Variants in EPDR1 observed in about 807,000 individuals in gnomAD.
EPDR1 encodes the protein ependymin related 1.
In EPDR1, 27 loss-of-function variants were observed where a neutral mutation model predicts 23.7. The observed-to-expected ratio is 1.14, with a 90% CI of 0.84 to 1.57. The LOEUF is 1.57. Ranked by LOEUF, EPDR1 falls within the 40% of genes most tolerant of loss-of-function variation. The probability of loss-of-function intolerance (pLI) is 0.00; values close to 1 mark genes in which losing one functional copy is unlikely to be tolerated. For missense variants in EPDR1, 349 were observed against 290.4 expected (o/e 1.20, Z -1.47); for synonymous variants, 137 against 118.2 (o/e 1.16, Z -1.03).
chr7:37,920,938 C>G lies in EPDR1; in HGVS notation c.-2C>G. ...CCCTCGGGCCGGGGAAGGCTGACCG[C>G]GATGCCAGGACGCGCTCCCCTCCGC... On this transcript the variant is annotated 5_prime_UTR_variant, in exon 1 of 3. Transcript: ENST00000199448. 6.2e-7 allele frequency: 1 copy of G among 1,607,782 alleles called. No individual in the cohort carries two copies. The highest frequency in any genetic ancestry group is 2.2e-5 in the East Asian group (1 of 44,754).
At chr7:37,937,945 T>C (rs1339149721) in intron 1 of EPDR1, among the ~76,000 whole-genome samples, 1 of 149,594 alleles carries the variant, frequency 6.7e-6, no homozygotes, top group East Asian at 2.0e-4. Flanking sequence ...CAATGCAGTC[T>C]TTTTTACATA....
chr7:37,931,120 C>CT (rs1785928951), intron 1 of EPDR1, among the ~76,000 whole-genome samples: 1 of 151,982 alleles, frequency 6.6e-6, no homozygotes, highest in Non-Finnish European at 1.5e-5. Context: ...CTAAGCACAT[C>CT]TACTTATTGC....
At chr7:37,950,003 C>T (rs141361398) in intron 2 of EPDR1, among the ~76,000 whole-genome samples, 197 bp from the exon 3 acceptor site, 75 of 152,182 alleles carry the variant, frequency 4.9e-4, no homozygotes, top group African/African-American at 1.8e-3. Context: ...GACAGAGTTT[C>T]AGTTTGGGAA....
chr7:37,923,437 G>A (rs1024302026), intron 1 of EPDR1, among the ~76,000 whole-genome samples: 2 of 152,172 alleles, frequency 1.3e-5, no homozygotes, highest in African/African-American at 4.8e-5. Flanking sequence ...GAAGCTAATG[G>A]TACTGATGGC....
chr7:37,921,169 G>A lies in EPDR1; in HGVS notation c.230G>A (p.Arg77Gln). 1 of 1,594,158 alleles carries A rather than the reference G, an allele frequency of 6.3e-7. No individual in the cohort carries two copies. The highest frequency in any genetic ancestry group is 2.3e-5 in the East Asian group (1 of 44,262). The part of the protein sequence containing the change: ...LSYDGLNQRV[R>Q]VLDERKALIP... Reference sequence around the variant, plus strand: ...TACGACGGGCTCAACCAGCGCGTGCGGGTGCTGGACGAGAGGAAGGCGCTG... The same window carrying A: ...TACGACGGGCTCAACCAGCGCGTGCAGGTGCTGGACGAGAGGAAGGCGCTG... Residue 77 changes from arginine to glutamine, a missense_variant, in exon 1 of 3, where the codon CGG (arginine) becomes CAG (glutamine). Coordinates refer to ENST00000199448, the MANE Select transcript of EPDR1 (RefSeq NM_017549.5).
At position 37,949,429 on chromosome 7, in the gene EPDR1, C is replaced by G. The variant is rs373933698; in HGVS notation, c.478+381C>G. Among the ~76,000 whole-genome samples, 6 of 152,318 alleles carry G rather than the reference C, an allele frequency of 3.9e-5. No individual in the cohort carries two copies. In the South Asian group the frequency reaches 6.2e-4, roughly 16 times the overall value. ...TTGCAGGGGTCAAATCTACTCCCATCATGCTGAGTGTGCAAACCAGCCTAC... is the reference window on the plus strand; with the variant it reads ...TTGCAGGGGTCAAATCTACTCCCATGATGCTGAGTGTGCAAACCAGCCTAC... On this transcript the variant is annotated intron_variant, in intron 2 of 2. Transcript: ENST00000199448.
intron 1 of EPDR1, among the ~76,000 whole-genome samples, chr7:37,928,508 A>T (rs1785862629): frequency 6.6e-6 from 1 of 152,206 alleles, no homozygotes; most frequent in African/African-American, 2.4e-5. Context: ...GCTCTCTTGA[A>T]CACCCTCCAA....
intron 1 of EPDR1, among the ~76,000 whole-genome samples, chr7:37,931,779 A>G (rs965885796): frequency 1.3e-5 from 2 of 151,954 alleles, no homozygotes; most frequent in South Asian, 2.1e-4. Flanking sequence ...GCTCACTGCA[A>G]CCTCCACCTC....
At chr7:37,935,511 T>C (rs762619645) in intron 1 of EPDR1, among the ~76,000 whole-genome samples, 6 of 152,328 alleles carry the variant, frequency 3.9e-5, no homozygotes, top group Non-Finnish European at 5.9e-5. Flanking sequence ...AAGAATGTCA[T>C]AAGTTTCAAA....
chr7:37,948,633 C>T (rs1786331332), intron 1 of EPDR1, among the ~76,000 whole-genome samples: 1 of 152,190 alleles, frequency 6.6e-6, no homozygotes, highest in Non-Finnish European at 1.5e-5. Context: ...CAGGGATGAG[C>T]CATCATGCTC....
At chr7:37,935,309 A>G (rs911232826) in intron 1 of EPDR1, among the ~76,000 whole-genome samples, 1 of 152,172 alleles carries the variant, frequency 6.6e-6, no homozygotes. Flanking sequence ...TCATCTCTCT[A>G]TCCCACCTGG....
At chr7:37,930,636 T>C (rs1785917942) in intron 1 of EPDR1, among the ~76,000 whole-genome samples, 1 of 152,188 alleles carries the variant, frequency 6.6e-6, no homozygotes, top group African/African-American at 2.4e-5. Flanking sequence ...GGCTTACCCT[T>C]GGACCCCAGA....
At chr7:37,922,146 T>G (rs764064094) in intron 1 of EPDR1, among the ~76,000 whole-genome samples, 4 of 152,184 alleles carry the variant, frequency 2.6e-5, no homozygotes, top group Admixed American at 6.5e-5. Flanking sequence ...GGCATTTGCA[T>G]CATTAGGAGT....
chr7:37,947,163 C>T (rs1022372428), intron 1 of EPDR1, among the ~76,000 whole-genome samples: 2 of 152,216 alleles, frequency 1.3e-5, no homozygotes, highest in Non-Finnish European at 1.5e-5. Context: ...GTACCCTATA[C>T]ATGCGTACCA....
intron 2 of EPDR1, among the ~76,000 whole-genome samples, chr7:37,949,381 T>C (rs928266581): frequency 6.6e-6 from 1 of 152,276 alleles, no homozygotes; most frequent in Admixed American, 6.5e-5. Flanking sequence ...GGTGCCTCCT[T>C]TTCTTTCCCC....
intron 1 of EPDR1, among the ~76,000 whole-genome samples, chr7:37,926,469 T>A (rs1311764794): frequency 8.8e-6 from 1 of 113,404 alleles, no homozygotes; most frequent in Non-Finnish European, 1.8e-5. Flanking sequence ...CTTTGTATGT[T>A]CTTCATAGCA....
chr7:37,927,768 C>T (rs1785848353), intron 1 of EPDR1, among the ~76,000 whole-genome samples: 1 of 152,100 alleles, frequency 6.6e-6, no homozygotes, highest in Non-Finnish European at 1.5e-5. Flanking sequence ...GAAATCACGA[C>T]TTTGTGAATA....
At chr7:37,945,870 C>G (rs761104364) in intron 1 of EPDR1, among the ~76,000 whole-genome samples, 1 of 152,140 alleles carries the variant, frequency 6.6e-6, no homozygotes, top group Non-Finnish European at 1.5e-5. Flanking sequence ...TACTGATGCT[C>G]CCCCTCCCCC....
intron 1 of EPDR1, among the ~76,000 whole-genome samples, chr7:37,926,315 C>T (rs901189514): frequency 1.3e-5 from 2 of 152,140 alleles, no homozygotes; most frequent in Non-Finnish European, 2.9e-5. Context: ...GATATACCCA[C>T]GATCCCCAAA....
Sources: allele counts gnomAD v4.1 joint callset (sites outside exome capture counted in the v4.1 genomes callset), GRCh38; gene constraint gnomAD v4.1.1; transcripts MANE v1.5; gene names NCBI Gene and HGNC (gene_info 2026-07-23, HGNC 2026-07-21).